The following SYT1 variants were observed in gnomAD, a reference collection of about 807,000 sequenced individuals.
SYT1 encodes the protein synaptotagmin 1.
A neutral mutation model predicts 44.8 loss-of-function variants in SYT1; 8 were observed. The observed-to-expected ratio is 0.18, with a 90% CI of 0.10 to 0.32. SYT1 has a LOEUF of 0.32. SYT1 is among the 10% of genes least tolerant of loss of function. The probability of loss-of-function intolerance (pLI) is 1.00; values close to 1 mark genes in which losing one functional copy is unlikely to be tolerated. For missense variants in SYT1, 286 were observed against 509.3 expected, an observed-to-expected ratio of 0.56 and a Z score of 4.22; for synonymous variants, 154 against 188.8, an observed-to-expected ratio of 0.82 and a Z score of 1.51.
chr12:79,423,276 G>T (rs952460517), intron 9 of SYT1, among the ~76,000 whole-genome samples: 1 of 152,070 alleles, frequency 6.6e-6, no homozygotes, highest in Non-Finnish European at 1.5e-5. Flanking sequence ...TTTCATTGCT[G>T]ACTTATTACT....
At chr12:78,877,787 C>A (rs558461983) in intron 1 of SYT1, among the ~76,000 whole-genome samples, 1 of 151,630 alleles carries the variant, frequency 6.6e-6, no homozygotes, top group Admixed American at 6.6e-5. Context: ...TACCACCACG[C>A]CTGGCTAATT....
chr12:79,201,648 C>T (rs766427287), intron 3 of SYT1, among the ~76,000 whole-genome samples: 8 of 152,090 alleles, frequency 5.3e-5, no homozygotes, highest in Middle Eastern at 3.2e-3. Flanking sequence ...TTTCTTCCAA[C>T]GATGCATCAT....
At chr12:79,248,889 T>TA (rs1877011251) in intron 4 of SYT1, among the ~76,000 whole-genome samples, 1 of 152,122 alleles carries the variant, frequency 6.6e-6, no homozygotes, top group Non-Finnish European at 1.5e-5. Flanking sequence ...ATTGACCCTT[T>TA]AAAAATCTGT....
intron 8 of SYT1, 25 bp downstream of exon 8, chr12:79,299,576 A>G: frequency 6.2e-7 from 1 of 1,608,958 alleles, no homozygotes; most frequent in Non-Finnish European, 8.5e-7. Context: ...AGCATTTCTA[A>G]CATCACAAGC....
chr12:79,235,468 A>G (rs1876134104), intron 4 of SYT1, among the ~76,000 whole-genome samples: 1 of 152,054 alleles, frequency 6.6e-6, no homozygotes, highest in African/African-American at 2.4e-5. Context: ...AGGTCACCAG[A>G]ATCATTAAGT....
chr12:79,174,657 G>T (rs1472001662), intron 3 of SYT1, among the ~76,000 whole-genome samples: 1 of 152,004 alleles, frequency 6.6e-6, no homozygotes, highest in African/African-American at 2.4e-5. Context: ...AAGAAAATGG[G>T]TTGAGAGAGA....
intron 9 of SYT1, among the ~76,000 whole-genome samples, chr12:79,433,183 G>A (rs929154825): frequency 7.9e-5 from 12 of 152,158 alleles, no homozygotes; most frequent in South Asian, 2.1e-4. Flanking sequence ...AAGCAAGTGC[G>A]TTCAAGGAAT....
intron 1 of SYT1, among the ~76,000 whole-genome samples, chr12:78,950,608 A>G (rs1175394258): frequency 6.6e-6 from 1 of 152,168 alleles, no homozygotes; most frequent in Non-Finnish European, 1.5e-5. Flanking sequence ...AGACACATAC[A>G]TAATATACGG....
At chr12:79,246,588 C>T (rs902706272) in intron 4 of SYT1, among the ~76,000 whole-genome samples, 6 of 152,348 alleles carry the variant, frequency 3.9e-5, no homozygotes, top group Admixed American at 3.3e-4. Flanking sequence ...GCCTTGAACA[C>T]TGTCTCCTCA....
At chr12:79,263,113 T>A (rs1877923777) in intron 4 of SYT1, among the ~76,000 whole-genome samples, 1 of 152,138 alleles carries the variant, frequency 6.6e-6, no homozygotes, top group Non-Finnish European at 1.5e-5. Context: ...TGATAGGACT[T>A]CAAAGAGTCA....
At chr12:78,995,732 T>G (rs1271593785) in intron 2 of SYT1, 1 of 152,038 alleles carries the variant, frequency 6.6e-6, no homozygotes, top group Admixed American at 6.5e-5. Context: ...GCTGGGAAAA[T>G]CTAATGGAGG....
At chr12:79,384,998 T>C (rs866185500) in intron 9 of SYT1, among the ~76,000 whole-genome samples, 6 of 150,466 alleles carry the variant, frequency 4.0e-5, no homozygotes, top group South Asian at 4.3e-4. Context: ...TTTTTTTTTT[T>C]TTTTTTTTGA....
intron 9 of SYT1, among the ~76,000 whole-genome samples, chr12:79,420,505 A>ATCTATATATAT (rs1869040562): frequency 6.6e-6 from 1 of 152,128 alleles, no homozygotes; most frequent in South Asian, 2.1e-4. Flanking sequence ...TTAGAAGGAC[A>ATCTATATATAT]GACAATATAA....
At chr12:79,239,285 A>G (rs899490735) in intron 4 of SYT1, among the ~76,000 whole-genome samples, 1 of 152,224 alleles carries the variant, frequency 6.6e-6, no homozygotes, top group African/African-American at 2.4e-5. Flanking sequence ...ATTTAGAGAC[A>G]TTTTGAAAAT....
At chr12:78,896,848 T>C (rs1875388337) in intron 1 of SYT1, among the ~76,000 whole-genome samples, 1 of 151,822 alleles carries the variant, frequency 6.6e-6, no homozygotes, top group Non-Finnish European at 1.5e-5. Context: ...ACTTTACGAT[T>C]TCTATATCTT....
intron 9 of SYT1, among the ~76,000 whole-genome samples, chr12:79,363,544 G>A (rs756675317): frequency 6.6e-6 from 1 of 150,598 alleles, no homozygotes; most frequent in Non-Finnish European, 1.5e-5. Context: ...GAGCTGCATA[G>A]TGGGACCCCC....
intron 3 of SYT1, among the ~76,000 whole-genome samples, chr12:79,070,164 C>A (rs972616677): frequency 3.9e-5 from 6 of 152,104 alleles, no homozygotes; most frequent in Non-Finnish European, 7.4e-5. Flanking sequence ...CCAATACACC[C>A]AATGAGTGGC....
At chr12:79,121,839 T>A (rs977387175) in intron 3 of SYT1, among the ~76,000 whole-genome samples, 1 of 152,252 alleles carries the variant, frequency 6.6e-6, no homozygotes, top group Non-Finnish European at 1.5e-5. Flanking sequence ...ATCAAGAACC[T>A]GTCAATGTAT....
At chr12:79,070,694 G>A (rs967705752) in intron 3 of SYT1, among the ~76,000 whole-genome samples, 2 of 151,876 alleles carry the variant, frequency 1.3e-5, no homozygotes, top group East Asian at 1.9e-4. Context: ...ACATAAACAC[G>A]GGAACAACAG....
Sources: allele counts gnomAD v4.1 joint callset (sites outside exome capture counted in the v4.1 genomes callset), GRCh38; gene constraint gnomAD v4.1.1; transcripts MANE v1.5; gene names NCBI Gene and HGNC (gene_info 2026-07-23, HGNC 2026-07-21).